Variants in CRPPA observed in about 807,000 individuals in gnomAD.
The protein encoded by CRPPA is CDP-L-ribitol pyrophosphorylase A, also known as D-ribitol-5-phosphate cytidylyltransferase.
In CRPPA, 43 loss-of-function variants were observed where a neutral mutation model predicts 52.0. That is an observed-to-expected ratio of 0.83 (90% CI 0.65 to 1.07). CRPPA has a LOEUF of 1.07. Among genes scored for constraint, CRPPA ranks in the 50% least tolerant of loss-of-function variants. The probability of loss-of-function intolerance (pLI) is 0.00; values close to 1 mark genes in which losing one functional copy is unlikely to be tolerated. For missense variants in CRPPA, 629 were observed against 551.7 expected (o/e 1.14, Z -1.40); for synonymous variants, 250 against 203.5 (o/e 1.23, Z -1.94).
chr7:16,116,515 A>AT (rs1252808450), intron 9 of CRPPA, among the ~76,000 whole-genome samples: 1 of 152,024 alleles, frequency 6.6e-6, no homozygotes, highest in Non-Finnish European at 1.5e-5. Flanking sequence ...AAATACAAAC[A>AT]TTAGCCAGGC....
chr7:16,123,607 T>C (rs1176795312), intron 9 of CRPPA, among the ~76,000 whole-genome samples: 6 of 152,144 alleles, frequency 3.9e-5, no homozygotes. Flanking sequence ...GTAATAGTGA[T>C]GATAAACTCT....
chr7:16,258,768 T>C (rs1380829312), intron 7 of CRPPA, among the ~76,000 whole-genome samples, 152 bp downstream of exon 7: 1 of 152,068 alleles, frequency 6.6e-6, no homozygotes, highest in Non-Finnish European at 1.5e-5. Context: ...ATTAGCTTGT[T>C]GAAAGTATTA....
chr7:16,147,291 CA>C (rs1255100655), intron 9 of CRPPA, among the ~76,000 whole-genome samples: 1 of 152,134 alleles, frequency 6.6e-6, no homozygotes, highest in African/African-American at 2.4e-5. Flanking sequence ...TTCAAAGATG[CA>C]AAATCCCTGG....
At chr7:16,385,601 T>C (rs1265828820) in intron 2 of CRPPA, among the ~76,000 whole-genome samples, 3 of 152,188 alleles carry the variant, frequency 2.0e-5, no homozygotes, top group Middle Eastern at 6.3e-3. Flanking sequence ...AGATTCATCT[T>C]AGAAAAAAGT....
chr7:16,204,099 C>T (rs1781916253), intron 9 of CRPPA, among the ~76,000 whole-genome samples: 1 of 152,134 alleles, frequency 6.6e-6, no homozygotes, highest in Admixed American at 6.6e-5. Flanking sequence ...AAAATTGTCA[C>T]TCTAATCACC....
At chr7:16,217,219 C>T (rs1203781001) in intron 8 of CRPPA, among the ~76,000 whole-genome samples, 2 of 145,552 alleles carry the variant, frequency 1.4e-5, no homozygotes, top group Non-Finnish European at 3.1e-5. Flanking sequence ...AACAGACCTG[C>T]AGCTGAGGGT....
intron 3 of CRPPA, among the ~76,000 whole-genome samples, chr7:16,317,215 G>C (rs561921872): frequency 6.6e-6 from 1 of 152,098 alleles, no homozygotes; most frequent in Non-Finnish European, 1.5e-5. Flanking sequence ...TCAGACTCTG[G>C]ACAAGCTATT....
chr7:16,383,627 T>G (rs897019964), intron 2 of CRPPA, among the ~76,000 whole-genome samples: 5 of 152,242 alleles, frequency 3.3e-5, no homozygotes, highest in African/African-American at 1.2e-4. Flanking sequence ...GCAGGCCTCC[T>G]TGAGCTGTGG....
At chr7:16,138,037 A>G (rs1208901417) in intron 9 of CRPPA, among the ~76,000 whole-genome samples, 1 of 152,228 alleles carries the variant, frequency 6.6e-6, no homozygotes, top group East Asian at 1.9e-4. Flanking sequence ...AGAAATAGAT[A>G]ACATAAATAT....
chr7:16,249,178 A>ATTCTGCCTCTCTAGT (rs1332834351), intron 8 of CRPPA, among the ~76,000 whole-genome samples: 18 of 152,256 alleles, frequency 1.2e-4, no homozygotes, highest in African/African-American at 4.3e-4. Flanking sequence ...GCCTCTCTAG[A>ATTCTGCCTCTCTAGT]TTCCACCTCT....
At chr7:16,391,137 T>C (rs117385726) in intron 2 of CRPPA, among the ~76,000 whole-genome samples, 199 of 152,276 alleles carry the variant, frequency 1.3e-3, no homozygotes, top group Middle Eastern at 3.4e-3. Context: ...TGCATACCTC[T>C]ACTGCAACAA....
At chr7:16,150,265 T>A (rs559854459) in intron 9 of CRPPA, among the ~76,000 whole-genome samples, 1 of 152,316 alleles carries the variant, frequency 6.6e-6, no homozygotes, top group Non-Finnish European at 1.5e-5. Context: ...TTATTTTTCC[T>A]CAATGTAAGA....
chr7:16,374,933 C>A (rs1431763655), intron 3 of CRPPA, among the ~76,000 whole-genome samples: 4 of 152,270 alleles, frequency 2.6e-5, no homozygotes, highest in Non-Finnish European at 5.9e-5. Flanking sequence ...TCAATTCCAA[C>A]AAGATTTTCA....
At chr7:16,374,739 C>G (rs1168319616) in intron 3 of CRPPA, among the ~76,000 whole-genome samples, 1 of 152,112 alleles carries the variant, frequency 6.6e-6, no homozygotes, top group African/African-American at 2.4e-5. Context: ...TAGGTCCCAT[C>G]CACTCTCACT....
At chr7:16,106,269 A>G (rs1782149532) in intron 9 of CRPPA, among the ~76,000 whole-genome samples, 1 of 152,204 alleles carries the variant, frequency 6.6e-6, no homozygotes, top group Non-Finnish European at 1.5e-5. Context: ...CAAGTAGTCA[A>G]TTGTCAACCA....
chr7:16,284,054 T>A (rs945218838), intron 5 of CRPPA, among the ~76,000 whole-genome samples: 1 of 152,108 alleles, frequency 6.6e-6, no homozygotes, highest in African/African-American at 2.4e-5. Flanking sequence ...ACGATTTCTA[T>A]GCAGAGTCAA....
intron 8 of CRPPA, among the ~76,000 whole-genome samples, chr7:16,254,186 C>T (rs1472002454): frequency 1.3e-5 from 2 of 152,146 alleles, no homozygotes; most frequent in African/African-American, 4.8e-5. Flanking sequence ...GTGGCAATTC[C>T]TCAAGGATCT....
At chr7:16,254,780 A>AGAAAGAAGGAAG (rs1783571852) in intron 8 of CRPPA, among the ~76,000 whole-genome samples, 1 of 127,878 alleles carries the variant, frequency 7.8e-6, no homozygotes, top group African/African-American at 3.0e-5. Flanking sequence ...ACAGAAAGAA[A>AGAAAGAAGGAAG]GAAAGAAAGA....
intron 3 of CRPPA, among the ~76,000 whole-genome samples, chr7:16,309,577 G>A (rs1047300355): frequency 2.0e-5 from 3 of 152,118 alleles, no homozygotes; most frequent in African/African-American, 4.8e-5. Context: ...GCAAAGTTAC[G>A]GAGGTTTGAG....
Sources: allele counts gnomAD v4.1 joint callset (sites outside exome capture counted in the v4.1 genomes callset), GRCh38; gene constraint gnomAD v4.1.1; transcripts MANE v1.5; gene names NCBI Gene and HGNC (gene_info 2026-07-23, HGNC 2026-07-21).